The following PAOX variants were observed in gnomAD, a reference collection of about 807,000 sequenced individuals.
PAOX encodes peroxisomal N(1)-acetyl-spermine/spermidine oxidase.
PAOX carries 38 observed loss-of-function variants against 39.0 expected under a neutral mutation model. That is an observed-to-expected ratio of 0.97 (90% CI 0.75 to 1.28). The LOEUF (loss-of-function observed/expected upper bound fraction) is 1.28. Among genes scored for constraint, PAOX ranks in the 50% most tolerant of loss-of-function variants. PAOX has a pLI of 0.00. For synonymous variants in PAOX, 311 were observed against 314.4 expected (o/e 0.99, Z 0.11); for missense variants, 667 against 685.7 (o/e 0.97, Z 0.30).
chr10:133,385,414 T>C (rs1849503577), intron 4 of PAOX, among the ~76,000 whole-genome samples: 1 of 152,160 alleles, frequency 6.6e-6, no homozygotes, highest in Admixed American at 6.5e-5. Context: ...CCCCACCTCC[T>C]GTGCTCTCTT....
chr10:133,388,733 T>C (rs551784096), intron 4 of PAOX, among the ~76,000 whole-genome samples: 2 of 152,362 alleles, frequency 1.3e-5, no homozygotes, highest in South Asian at 4.1e-4. Flanking sequence ...AGGGACGCTC[T>C]GTGGGGTGGC....
intron 6 of PAOX, chr10:133,391,073 G>A (rs894353584): frequency 7.3e-5 from 48 of 653,522 alleles, no homozygotes; most frequent in East Asian, 5.6e-4. Context: ...CGTGTGAGCC[G>A]TTTTCCTGGC....
rs1849311503 is a variant in PAOX, at chr10:133,380,021, G to A, written c.204G>A (p.Ala68=). 2.6e-6 allele frequency: 4 copies of A among 1,515,752 alleles called. No homozygotes were observed. Among genetic ancestry groups the A allele is most frequent in the African/African-American group, 2.8e-5 (2 of 71,916 alleles). 93.9% of individuals were successfully genotyped at this position (1,515,752 alleles called of 1,614,324 possible). ...CAGGTGGCGTGGTGGAGGTGGGCGC[G>A]CACTGGATCCATGGGCCCTCCCGGG... The part of the protein sequence containing the change: ...RCFGGVVEVG[A]HWIHGPSRGN... The change falls in exon 2 of 7, where the codon GCG becomes GCA. Residue 68 remains alanine, a synonymous_variant. Transcript: ENST00000278060.
intron 6 of PAOX, among the ~76,000 whole-genome samples, chr10:133,389,953 GC>G (rs1350804357): frequency 6.6e-6 from 1 of 152,232 alleles, no homozygotes; most frequent in Non-Finnish European, 1.5e-5. Context: ...AGAGAATTCT[GC>G]AGTGCTAACA....
At position 133,381,466 on chromosome 10, in the gene PAOX, T is replaced by C; in HGVS notation, c.675T>C (p.Tyr225=). 1 of 1,613,766 alleles carries C rather than the reference T, an allele frequency of 6.2e-7. No homozygotes were observed. Residue 225 remains tyrosine (Y), a synonymous_variant, in exon 3 of 7, where the codon TAT becomes TAC. Transcript: ENST00000278060. ...PGLDCTFSKG[Y]QGLTNCMMAA... ...AGCACTTCCGTCTTTCTAGGGGCTA[T>C]CAAGGACTCACAAACTGCATGATGG...
At chr10:133,379,798 C>G (rs1849302334) in intron 1 of PAOX, 2 of 673,996 alleles carry the variant, frequency 3.0e-6, no homozygotes, top group Non-Finnish European at 4.5e-6. Context: ...TGGTCCACAC[C>G]GCCCGACAAG....
Position 133,380,190 on chromosome 10 carries a change from C to T in PAOX, c.373C>T (p.Gln125Ter), listed in dbSNP as rs779836594. The T allele has an allele frequency of 5.0e-6, 8 of 1,612,348 alleles. No individual in the cohort carries two copies. Among genetic ancestry groups the T allele is most frequent in the South Asian group, 1.1e-5 (1 of 91,068 alleles). Residue 125 changes from glutamine to a stop codon, truncating the protein, a stop_gained, in exon 2 of 7, where the codon CAG becomes TAG. Coordinates refer to ENST00000278060, the MANE Select transcript of PAOX (RefSeq NM_152911.4). LOFTEE classifies it high-confidence loss of function. ...CAGCTCCGGGGCCAGCGTGAGCCTC[C>T]AGCTGGTGGCGGAGATGGCGACTCT... ...YASSGASVSL[Q>*]LVAEMATLFY...
At chr10:133,381,171 G>A (rs1849361273) in intron 2 of PAOX, among the ~76,000 whole-genome samples, 1 of 152,252 alleles carries the variant, frequency 6.6e-6, no homozygotes, top group African/African-American at 2.4e-5. Flanking sequence ...CAGGCAATGG[G>A]CATTTGTGAG....
chr10:133,389,296 G>T (rs1349203122), intron 5 of PAOX, among the ~76,000 whole-genome samples: 1 of 152,158 alleles, frequency 6.6e-6, no homozygotes, highest in Non-Finnish European at 1.5e-5. Flanking sequence ...AAATGCCGTT[G>T]TCCTTGATCA....
intron 1 of PAOX, 145 bp from the exon 2 acceptor site, chr10:133,379,854 C>T: frequency 8.9e-7 from 1 of 1,123,234 alleles, no homozygotes; most frequent in Non-Finnish European, 1.2e-6. Flanking sequence ...CTGACAGGGC[C>T]CTGCCCTGGG....
At chr10:133,391,278 GCATC>G in intron 6 of PAOX, 30 bp from the exon 7 acceptor site, 2 of 1,597,702 alleles carry the variant, frequency 1.3e-6, no homozygotes, top group South Asian at 2.2e-5. Context: ...TGTCTGAATT[GCATC>G]CCCATTCTAA....
rs1849316363 is a variant in PAOX at position 133,380,090 on chromosome 10, G to T, written c.273G>T (p.Gly91=). The change falls in exon 2 of 7, where the codon GGG becomes GGT. Residue 91 remains glycine, a synonymous_variant. Coordinates refer to ENST00000278060, the MANE Select transcript of PAOX (RefSeq NM_152911.4). The part of the protein sequence containing the change: ...FQLAAEYGLL[G]EKELSQENQL... The stretch of plus-strand genomic sequence containing the variant: ...TGGCTGCTGAGTACGGGCTGCTGGG[G>T]GAGAAGGAGCTGTCCCAGGAGAACC... 6.4e-7 allele frequency: 1 copy of T among 1,552,080 alleles called. No homozygotes were observed. The highest frequency in any genetic ancestry group is 1.4e-5 in the African/African-American group (1 of 73,478).
At position 133,391,421 on chromosome 10, in the gene PAOX, C is replaced by T. The variant is rs1351602098; in HGVS notation, c.1502C>T (p.Ala501Val). The T allele has an allele frequency of 1.9e-6, 3 of 1,612,750 alleles. No individual in the cohort carries two copies. Among genetic ancestry groups the T allele is most frequent in the South Asian group, 1.1e-5 (1 of 91,070 alleles). The part of the protein sequence containing the change: ...READRLLSLW[A>V]PQVQQPRPRL ...GCCGACCGCCTCCTCAGTCTGTGGGCCCCGCAGGTGCAGCAGCCCAGGCCC... is the reference window on the plus strand; with the variant it reads ...GCCGACCGCCTCCTCAGTCTGTGGGTCCCGCAGGTGCAGCAGCCCAGGCCC... The change falls in exon 7 of 7, where the codon GCC (alanine) becomes GTC (valine). Residue 501 changes from alanine (A) to valine (V), a missense_variant. Ala to Val is a moderately conservative substitution (Grantham distance 64, BLOSUM62 0). Transcript: ENST00000278060.
rs374389527 is a variant in PAOX at position 133,391,273 on chromosome 10, G to T, written c.1393-39G>T. ...TTTCCTTGCCCAGACCCTGCTGTCT[G>T]AATTGCATCCCCATTCTAACCCTGG... On this transcript the variant is annotated intron_variant, in intron 6 of 6. Coordinates refer to ENST00000278060, the MANE Select transcript of PAOX (RefSeq NM_152911.4). 1.9e-6 allele frequency: 3 copies of T among 1,594,476 alleles called. No homozygotes were observed. In the African/African-American group the frequency reaches 4.0e-5, roughly 21 times the overall value.
In PAOX at chr10:133,381,678, C is replaced by T. The variant is rs2133459964; in HGVS notation, c.868+19C>T. 1.2e-6 allele frequency: 2 copies of T among 1,611,210 alleles called. No homozygotes were observed. Among genetic ancestry groups the T allele is most frequent in the Non-Finnish European group, 1.7e-6 (2 of 1,178,856 alleles). On this transcript the variant is annotated intron_variant, in intron 3 of 6. Transcript: ENST00000278060. ...CCCTTAGGTAGGTCAGGTTTTCAGC[C>T]CAAACCCCCATCCCAAGTGCCCCCG...
chr10:133,389,800 C>T, intron 6 of PAOX, 53 bp downstream of exon 6: 1 of 1,408,940 alleles, frequency 7.1e-7, no homozygotes, highest in African/African-American at 1.5e-5. Flanking sequence ...GAGGCCCCCG[C>T]CGAGTCTGGG....
At chr10:133,381,260 C>T (rs1259074172) in intron 2 of PAOX, among the ~76,000 whole-genome samples, 200 bp from the exon 3 acceptor site, 3 of 152,218 alleles carry the variant, frequency 2.0e-5, no homozygotes, top group Admixed American at 6.5e-5. Context: ...CTGAACCCTC[C>T]CTTACAGCCT....
At chr10:133,389,090 T>A (rs10776679) in intron 5 of PAOX, 22 bp downstream of exon 5, 1 of 1,557,594 alleles carries the variant, frequency 6.4e-7, no homozygotes, top group Non-Finnish European at 8.9e-7. Flanking sequence ...CCACACACGC[T>A]GGTTCCTGCC....
rs188385252 is a variant in PAOX at position 133,379,696 on chromosome 10, G to C, written c.181+199G>C. On this transcript the variant is annotated intron_variant, in intron 1 of 6. Transcript: ENST00000278060. ...GTTAGTCAGGAGGGCGCCGGCCAGG[G>C]AAGGCGACCTACGGCTCCACAAGGC... The C allele has an allele frequency of 4.1e-4, 228 of 557,962 alleles. 3 individuals are homozygous for C. The East Asian group carries it at 6.1e-3, about 15-fold the overall frequency. 34.6% of individuals were successfully genotyped at this position (557,962 alleles called of 1,614,324 possible). A position where few individuals can be genotyped will look rare whatever the true frequency, so the allele number is the denominator to read the frequency against.
Sources: allele counts gnomAD v4.1 joint callset (sites outside exome capture counted in the v4.1 genomes callset), GRCh38; gene constraint gnomAD v4.1.1; transcripts MANE v1.5; gene names NCBI Gene and HGNC (gene_info 2026-07-23, HGNC 2026-07-21).